Variants in SEPTIN2 observed in about 807,000 individuals in gnomAD.
SEPTIN2 encodes septin 2, also known as septin-2.
A neutral mutation model predicts 46.5 loss-of-function variants in SEPTIN2; 34 were observed. The observed-to-expected ratio is 0.73, with a 90% confidence interval of 0.56 to 0.97. The LOEUF (loss-of-function observed/expected upper bound fraction) is 0.97. Among genes scored for constraint, SEPTIN2 ranks in the 50% least tolerant of loss-of-function variants. The pLI is 0.00. For missense variants in SEPTIN2, 347 were observed against 448.4 expected, an observed-to-expected ratio of 0.77 and a Z score of 2.04; for synonymous variants, 175 against 153.4, an observed-to-expected ratio of 1.14 and a Z score of -1.04.
In SEPTIN2 at chr2:241,337,470, A is replaced by G. The variant is rs1234501016; in HGVS notation, c.430A>G (p.Asn144Asp). 5.0e-6 allele frequency: 8 copies of G among 1,614,002 alleles called. No homozygotes were observed. The highest frequency in any genetic ancestry group is 6.8e-6 in the Non-Finnish European group (8 of 1,180,018). The change falls in exon 6 of 13, where the codon AAT becomes GAT. Residue 144 changes from asparagine (N) to aspartate (D), a missense_variant. Coordinates refer to ENST00000391971, the MANE Select transcript of SEPTIN2 (RefSeq NM_004404.5). The stretch of plus-strand genomic sequence containing the variant: ...CTTGAACAGGCGGCACATCATTGAT[A>G]ATAGGGTGCATTGTTGCTTTTACTT... The part of the protein sequence containing the change: ...SGLNRRHIID[N>D]RVHCCFYFIS...
At chr2:241,326,445 CATT>C (rs2077981321) in intron 3 of SEPTIN2, among the ~76,000 whole-genome samples, 1 of 151,126 alleles carries the variant, frequency 6.6e-6, no homozygotes, top group African/African-American at 2.4e-5. Context: ...GCCAGTAGGA[CATT>C]GTGGAGATGA....
At chr2:241,324,152 C>T (rs1441664746) in intron 1 of SEPTIN2, 64 bp from the exon 2 acceptor site, 18 of 1,462,432 alleles carry the variant, frequency 1.2e-5, no homozygotes, top group African/African-American at 1.0e-4. Context: ...GTTAAATATA[C>T]GTGCGTATAC....
At chr2:241,350,533 T>A (rs1357884371) in intron 12 of SEPTIN2, among the ~76,000 whole-genome samples, 1 of 152,190 alleles carries the variant, frequency 6.6e-6, no homozygotes, top group Non-Finnish European at 1.5e-5. Context: ...CTTTTATTAG[T>A]TGTATTATTG....
chr2:241,338,423 C>T (rs953617322), intron 7 of SEPTIN2, among the ~76,000 whole-genome samples: 15 of 150,940 alleles, frequency 9.9e-5, no homozygotes, highest in Admixed American at 8.0e-4. Flanking sequence ...CATACCGGTA[C>T]GTGCATAAAA....
rs988934669 is a variant in SEPTIN2 at position 241,335,919 on chromosome 2, G to A, written c.218-56G>A. The A allele has an allele frequency of 3.1e-6, 5 of 1,613,146 alleles. No homozygotes were observed. The African/African-American group carries it at 4.0e-5, about 13-fold the overall frequency. ...CTGAAGTCACCTGTCGTAAGAACGTGAGCTTTCCTCTTCACATGCTGCTTA... is the reference window on the plus strand; with the variant it reads ...CTGAAGTCACCTGTCGTAAGAACGTAAGCTTTCCTCTTCACATGCTGCTTA... On this transcript the variant is annotated intron_variant, in intron 4 of 12. Coordinates refer to ENST00000391971, the MANE Select transcript of SEPTIN2 (RefSeq NM_004404.5).
At chr2:241,337,888 C>A in intron 7 of SEPTIN2, 98 bp downstream of exon 7, 1 of 741,910 alleles carries the variant, frequency 1.3e-6, no homozygotes, top group Non-Finnish European at 2.2e-6. Flanking sequence ...GCTCAGGTGT[C>A]GGGAGGCAGG....
intron 1 of SEPTIN2, chr2:241,317,406 T>A (rs938422943): frequency 3.2e-6 from 1 of 311,652 alleles, no homozygotes; most frequent in Admixed American, 6.5e-5. Flanking sequence ...TGACTGGCTC[T>A]TAAACTAGCA....
At chr2:241,324,555 T>G in intron 2 of SEPTIN2, 1 of 412,676 alleles carries the variant, frequency 2.4e-6, no homozygotes, top group Non-Finnish European at 4.6e-6. Context: ...GCTGGCTAAT[T>G]TTTTGGATTT....
intron 5 of SEPTIN2, 128 bp from the exon 6 acceptor site, chr2:241,337,254 C>A: frequency 1.1e-6 from 1 of 903,378 alleles, no homozygotes; most frequent in Non-Finnish European, 1.6e-6. Context: ...AGTCAGTCTT[C>A]TGTTCTCATC....
chr2:241,346,368 C>T, intron 10 of SEPTIN2, 119 bp downstream of exon 10: 3 of 617,658 alleles, frequency 4.9e-6, no homozygotes, highest in Admixed American at 6.6e-5. Context: ...GTTTCCTACT[C>T]AAAAGTTATT....
chr2:241,335,338 A>G (rs776173642), intron 4 of SEPTIN2, 126 bp downstream of exon 4: 1 of 1,553,478 alleles, frequency 6.4e-7, no homozygotes, highest in South Asian at 1.2e-5. Context: ...ACACAAGGAA[A>G]ACACTTTTAT....
At chr2:241,323,020 T>C (rs1000968128) in intron 1 of SEPTIN2, among the ~76,000 whole-genome samples, 4 of 152,198 alleles carry the variant, frequency 2.6e-5, no homozygotes, top group Non-Finnish European at 5.9e-5. Flanking sequence ...TTTTATCAAC[T>C]TAAAAATTTT....
intron 3 of SEPTIN2, among the ~76,000 whole-genome samples, chr2:241,329,446 A>C (rs969044792): frequency 6.6e-6 from 1 of 152,240 alleles, no homozygotes; most frequent in Non-Finnish European, 1.5e-5. Flanking sequence ...GATGAGTAGG[A>C]AACACCTACC....
In SEPTIN2 at chr2:241,335,942, T is replaced by G. The variant is rs376514681; in HGVS notation, c.218-33T>G. 35 of 1,613,942 alleles carry G rather than the reference T, an allele frequency of 2.2e-5. No homozygotes were observed. The African/African-American group carries it at 2.3e-4, about 10-fold the overall frequency. On this transcript the variant is annotated intron_variant, in intron 4 of 12. Coordinates refer to ENST00000391971, the MANE Select transcript of SEPTIN2 (RefSeq NM_004404.5). ...GTGAGCTTTCCTCTTCACATGCTGC[T>G]TATATTCCCTATTAAGTTTGTTTCT...
At chr2:241,326,909 A>G (rs2149917330) in intron 3 of SEPTIN2, among the ~76,000 whole-genome samples, 1 of 152,202 alleles carries the variant, frequency 6.6e-6, no homozygotes, top group South Asian at 2.1e-4. Context: ...CCCTGTCTCT[A>G]CAGAAAATAT....
intron 7 of SEPTIN2, 42 bp downstream of exon 7, chr2:241,337,832 C>T (rs768192330): frequency 2.1e-5 from 29 of 1,373,726 alleles, no homozygotes; most frequent in South Asian, 1.5e-4. Flanking sequence ...GGGTGCGACT[C>T]GGGGGCATGG....
intron 3 of SEPTIN2, among the ~76,000 whole-genome samples, chr2:241,334,539 A>G (rs1304581846): frequency 6.6e-6 from 1 of 152,132 alleles, no homozygotes; most frequent in Non-Finnish European, 1.5e-5. Flanking sequence ...TGCCCGACAT[A>G]TGACAGTTGC....
chr2:241,320,147 T>C, intron 1 of SEPTIN2: 1 of 453,376 alleles, frequency 2.2e-6, no homozygotes, highest in Non-Finnish European at 4.6e-6. Context: ...CATCTGGGTT[T>C]GTTATTAAAA....
chr2:241,344,502 G>C (rs1367698130), intron 9 of SEPTIN2, among the ~76,000 whole-genome samples: 1 of 152,058 alleles, frequency 6.6e-6, no homozygotes, highest in East Asian at 1.9e-4. Context: ...TTCAAGACCA[G>C]CCTGACCAAC....
Sources: gnomAD v4.1 joint callset for allele counts (sites outside exome capture counted in the v4.1 genomes callset) on GRCh38, gnomAD v4.1.1 for gene constraint, MANE v1.5 for transcripts, NCBI Gene and HGNC (gene_info 2026-07-23, HGNC 2026-07-21) for gene names.